The following C6orf62 variants were observed in gnomAD, a reference collection of about 807,000 sequenced individuals.
C6orf62 encodes uncharacterized protein C6orf62.
Under a neutral mutation model 26.8 loss-of-function variants are expected in C6orf62, and 16 were observed. The observed-to-expected ratio is 0.60, with a 90% CI of 0.40 to 0.91. The LOEUF is 0.91. C6orf62 is among the 40% of genes least tolerant of loss of function. The pLI is 0.00. For missense variants in C6orf62, 192 were observed against 271.4 expected (o/e 0.71, Z 2.06); for synonymous variants, 112 against 91.5 (o/e 1.22, Z -1.28).
At chr6:24,714,037 C>G (rs1321980501) in intron 3 of C6orf62, among the ~76,000 whole-genome samples, 2 of 152,156 alleles carry the variant, frequency 1.3e-5, no homozygotes, top group African/African-American at 2.4e-5. Context: ...ATCTCAGAAG[C>G]TCATCTGTGG....
rs1253713318 is a variant in C6orf62 at position 24,716,325 on chromosome 6, C to T, written c.130-1G>A. 2 of 1,611,806 alleles carry T rather than the reference C, an allele frequency of 1.2e-6. No individual in the cohort carries two copies. The highest frequency in any genetic ancestry group is 1.7e-6 in the Non-Finnish European group (2 of 1,178,372). ...CTTCAAAAAGTGCTGACTTTTTCTT[C>T]TAGAAGAAAAGAAAATGGTGTATTA... On this transcript the variant is annotated splice_acceptor_variant, in intron 1 of 4. Transcript: ENST00000378119. LOFTEE classifies it high-confidence loss of function.
chr6:24,705,901 T>G lies in C6orf62; in HGVS notation c.*236A>C. The G allele has an allele frequency of 2.3e-6, 1 of 442,932 alleles. No homozygotes were observed. Among genetic ancestry groups the G allele is most frequent in the South Asian group, 3.7e-5 (1 of 26,802 alleles). 27.4% of individuals were successfully genotyped at this position (442,932 alleles called of 1,614,324 possible). ...CATTTTTAGTAAGATACTGATGCAG[T>G]GCAGCAAATATGCAAAGCATCTTCT... On this transcript the variant is annotated 3_prime_UTR_variant, in exon 5 of 5. Coordinates refer to ENST00000378119, the MANE Select transcript of C6orf62 (RefSeq NM_030939.5).
At position 24,708,991 on chromosome 6, in the gene C6orf62, T is replaced by C. The variant is rs556527869; in HGVS notation, c.430-80A>G. 6.7e-5 allele frequency: 105 copies of C among 1,567,424 alleles called. No individual in the cohort carries two copies. The African/African-American group carries it at 1.3e-3, about 20-fold the overall frequency. ...CTGCATCTATATGCTAGCTGTGCTG[T>C]CCAATAAAGCAGCCAACAGTCCGTT... On this transcript the variant is annotated intron_variant, in intron 3 of 4. Transcript: ENST00000378119.
upstream of C6orf62, chr6:24,719,217 A>G: frequency 1.0e-6 from 1 of 987,622 alleles, no homozygotes; most frequent in Non-Finnish European, 1.2e-6. Context: ...AAAACAGGGT[A>G]GGTGAATGAA....
intron 4 of C6orf62, among the ~76,000 whole-genome samples, chr6:24,708,048 A>C (rs1006954020): frequency 5.4e-4 from 81 of 151,182 alleles, no homozygotes; most frequent in Non-Finnish European, 2.2e-4. Flanking sequence ...CTGGAAACAA[A>C]GTGTGTTTCA....
chr6:24,716,629 C>T (rs964237337), intron 1 of C6orf62, among the ~76,000 whole-genome samples: 4 of 152,140 alleles, frequency 2.6e-5, no homozygotes, highest in African/African-American at 9.7e-5. Flanking sequence ...TTTAAAACAA[C>T]GCTATTCAGA....
intron 3 of C6orf62, chr6:24,709,802 G>A: frequency 1.0e-6 from 1 of 985,420 alleles, no homozygotes; most frequent in Non-Finnish European, 1.2e-6. Context: ...GACATGACCA[G>A]GCTTGATGGA....
intron 3 of C6orf62, among the ~76,000 whole-genome samples, chr6:24,713,205 T>A (rs1368805019): frequency 6.6e-6 from 1 of 152,216 alleles, no homozygotes; most frequent in Non-Finnish European, 1.5e-5. Flanking sequence ...AGGAGCACAA[T>A]GAATTCATAT....
At chr6:24,711,473 C>G (rs527919009) in intron 3 of C6orf62, among the ~76,000 whole-genome samples, 1 of 152,080 alleles carries the variant, frequency 6.6e-6, no homozygotes, top group African/African-American at 2.4e-5. Flanking sequence ...CCGATTATAT[C>G]CTCACTACCC....
chr6:24,716,618 T>C (rs961990306), intron 1 of C6orf62, among the ~76,000 whole-genome samples: 8 of 152,204 alleles, frequency 5.3e-5, no homozygotes, highest in African/African-American at 1.9e-4. Flanking sequence ...ATCTCACCAG[T>C]TTTAAAACAA....
chr6:24,709,694 A>T, intron 3 of C6orf62: 1 of 985,474 alleles, frequency 1.0e-6, no homozygotes, highest in African/African-American at 1.7e-5. Flanking sequence ...GTTATCAATT[A>T]AGTCAGAACA....
chr6:24,708,424 G>A (rs916042816), intron 4 of C6orf62, among the ~76,000 whole-genome samples: 5 of 151,994 alleles, frequency 3.3e-5, no homozygotes, highest in African/African-American at 1.2e-4. Flanking sequence ...TCTCACTGTA[G>A]CCTCCTAAGC....
intron 3 of C6orf62, chr6:24,709,892 T>G (rs980340591): frequency 8.1e-6 from 8 of 985,326 alleles, no homozygotes; most frequent in Non-Finnish European, 9.6e-6. Flanking sequence ...CCATTTTGGT[T>G]CAAACAAATT....
Position 24,705,034 on chromosome 6 carries a change from AT to A in C6orf62, c.*1102del, listed in dbSNP as rs1385539968. The A allele has an allele frequency of 6.6e-6, 1 of 151,824 alleles. No homozygotes were observed. 9.4% of individuals were successfully genotyped at this position (151,824 alleles called of 1,614,324 possible). ...CATTCAGATTTACTCCAATAAAAGT[AT>A]GCAACCCTTAAGCAAAGCTTTTCTT... is the stretch of plus-strand genomic sequence containing the variant. On this transcript the variant is annotated 3_prime_UTR_variant, in exon 5 of 5. Coordinates refer to ENST00000378119, the MANE Select transcript of C6orf62 (RefSeq NM_030939.5).
At chr6:24,711,009 CAAAAA>C (rs71770151) in intron 3 of C6orf62, among the ~76,000 whole-genome samples, 1 of 151,008 alleles carries the variant, frequency 6.6e-6, no homozygotes, top group Non-Finnish European at 1.5e-5. Flanking sequence ...CAAAACAAAA[CAAAAA>C]AAACAGCCAT....
upstream of C6orf62, chr6:24,719,334 T>C: frequency 2.0e-6 from 2 of 997,422 alleles, no homozygotes; most frequent in Non-Finnish European, 2.4e-6. Flanking sequence ...TGCTTGTTAT[T>C]GATTACACTT....
At chr6:24,718,402 G>A (rs547234160) in intron 1 of C6orf62, 138 bp downstream of exon 1, 1 of 806,038 alleles carries the variant, frequency 1.2e-6, no homozygotes, top group Non-Finnish European at 1.9e-6. Flanking sequence ...ACCCCTAAGG[G>A]TGAAAAAACA....
upstream of C6orf62, chr6:24,720,045 C>G (rs960755606): frequency 5.1e-6 from 4 of 790,720 alleles, no homozygotes; most frequent in Admixed American, 1.5e-4. Flanking sequence ...AAATTAAGTT[C>G]CCGGATTAGC....
intron 2 of C6orf62, 86 bp downstream of exon 2, chr6:24,716,062 C>A: frequency 3.0e-6 from 3 of 1,015,830 alleles, no homozygotes; most frequent in South Asian, 1.5e-5. Flanking sequence ...TCATAACTAT[C>A]CACTTTAAGG....
Sources: allele counts gnomAD v4.1 joint callset (sites outside exome capture counted in the v4.1 genomes callset), GRCh38; gene constraint gnomAD v4.1.1; transcripts MANE v1.5; gene names NCBI Gene and HGNC (gene_info 2026-07-23, HGNC 2026-07-21).